The following PPFIBP1 variants were observed in gnomAD, a reference collection of about 807,000 sequenced individuals.
PPFIBP1 encodes PPFIB scaffold protein 1.
In PPFIBP1, 112 loss-of-function variants were observed where a neutral mutation model predicts 137.8. That is an observed-to-expected ratio of 0.81 (90% CI 0.70 to 0.95). PPFIBP1 has a LOEUF of 0.95. Ranked by LOEUF, PPFIBP1 falls within the 40% of genes least tolerant of loss-of-function variation. The pLI is 0.00. For synonymous variants in PPFIBP1, 378 were observed against 417.3 expected, an observed-to-expected ratio of 0.91 and a Z score of 1.15; for missense variants, 1,083 against 1,196.6, an observed-to-expected ratio of 0.91 and a Z score of 1.40.
chr12:27,624,845 G>A (rs1252173042), intron 2 of PPFIBP1, among the ~76,000 whole-genome samples: 3 of 152,102 alleles, frequency 2.0e-5, no homozygotes, highest in African/African-American at 7.2e-5. Context: ...TATGCTTGAG[G>A]TTATGATAGA....
chr12:27,603,568 A>G (rs1422565029), intron 2 of PPFIBP1, among the ~76,000 whole-genome samples: 2 of 152,154 alleles, frequency 1.3e-5, no homozygotes, highest in Non-Finnish European at 2.9e-5. Context: ...CACCAGGGCA[A>G]GGTGGATCGA....
chr12:27,650,568 A>C (rs1293704528), intron 7 of PPFIBP1, among the ~76,000 whole-genome samples: 1 of 152,218 alleles, frequency 6.6e-6, no homozygotes, highest in African/African-American at 2.4e-5. Flanking sequence ...ACATGCTAAC[A>C]TTCTATACTC....
At chr12:27,618,237 A>G (rs1434503781) in intron 2 of PPFIBP1, among the ~76,000 whole-genome samples, 3 of 152,188 alleles carry the variant, frequency 2.0e-5, no homozygotes, top group Non-Finnish European at 4.4e-5. Context: ...GTAAACCAAA[A>G]ATAAAATTCC....
Position 27,578,191 on chromosome 12 carries a change from A to G in PPFIBP1, c.-84A>G, listed in dbSNP as rs1414693734. The G allele has an allele frequency of 6.6e-5, 10 of 152,078 alleles. No individual in the cohort carries two copies. Among genetic ancestry groups the G allele is most frequent in the Admixed American group, 6.5e-4 (10 of 15,268 alleles). The allele number at this position is 152,078 out of a possible 1,614,324, so 9.4% of individuals were successfully genotyped here. ...TGGATCACTTTGCTGAGTACATCCA[A>G]GATTTGAAGAACTGAAATAAATCAG... On this transcript the variant is annotated 5_prime_UTR_variant, in exon 2 of 30. Transcript: ENST00000228425.
chr12:27,667,655 T>C (rs536747288), intron 13 of PPFIBP1, among the ~76,000 whole-genome samples: 3 of 152,254 alleles, frequency 2.0e-5, no homozygotes, highest in Admixed American at 6.5e-5. Flanking sequence ...TGACAGCATT[T>C]CTTTTGCTGA....
chr12:27,665,800 G>GA (rs545299115), intron 12 of PPFIBP1, among the ~76,000 whole-genome samples: 6 of 150,112 alleles, frequency 4.0e-5, no homozygotes, highest in South Asian at 2.1e-4. Context: ...CAGGATTTTT[G>GA]AAAAAAAAAA....
chr12:27,650,853 C>T (rs542240026), intron 7 of PPFIBP1, among the ~76,000 whole-genome samples: 1 of 152,260 alleles, frequency 6.6e-6, no homozygotes, highest in South Asian at 2.1e-4. Context: ...AGAGCATATC[C>T]ATTTGAAACA....
At chr12:27,617,713 A>G (rs1316305865) in intron 2 of PPFIBP1, among the ~76,000 whole-genome samples, 1 of 152,136 alleles carries the variant, frequency 6.6e-6, no homozygotes. Flanking sequence ...TTCTTTTTTT[A>G]TTTGAATATT....
intron 2 of PPFIBP1, among the ~76,000 whole-genome samples, chr12:27,595,887 ATATATATATATATATAT>A (rs1565837984): frequency 6.2e-5 from 6 of 96,884 alleles, no homozygotes; most frequent in African/African-American, 1.7e-4. Flanking sequence ...CAACAACAAA[ATATATATATATATATAT>A]ATATATATAT....
intron 2 of PPFIBP1, among the ~76,000 whole-genome samples, chr12:27,609,744 T>C (rs995839246): frequency 3.9e-5 from 6 of 152,182 alleles, no homozygotes; most frequent in African/African-American, 1.4e-4. Flanking sequence ...GCAGCCATTT[T>C]CCCTTTTGTT....
At chr12:27,537,422 C>T (rs1264002157) in intron 1 of PPFIBP1, among the ~76,000 whole-genome samples, 5 of 152,130 alleles carry the variant, frequency 3.3e-5, no homozygotes, top group East Asian at 1.9e-4. Context: ...TGAGCCACCG[C>T]GCCCGGCCCC....
In PPFIBP1 at chr12:27,677,171, T is replaced by C. The variant is rs185639789; in HGVS notation, c.1615+75T>C. The stretch of plus-strand genomic sequence containing the variant: ...ATCTAATCCCTGCTCTTGGCATCTG[T>C]GATCTCTAGAAAGCGATCTGACAGC... On this transcript the variant is annotated intron_variant, in intron 19 of 29. Transcript: ENST00000228425. 14 of 1,562,820 alleles carry C rather than the reference T, an allele frequency of 9.0e-6. No individual in the cohort carries two copies. In the East Asian group the frequency reaches 2.9e-4, roughly 33 times the overall value.
chr12:27,533,230 C>T (rs758684795), intron 1 of PPFIBP1, among the ~76,000 whole-genome samples: 1 of 152,042 alleles, frequency 6.6e-6, no homozygotes, highest in African/African-American at 2.4e-5. Context: ...TTTGAAATTC[C>T]ATCATGACCC....
intron 2 of PPFIBP1, among the ~76,000 whole-genome samples, chr12:27,582,421 A>G (rs2051230790): frequency 6.6e-6 from 1 of 152,084 alleles, no homozygotes; most frequent in Non-Finnish European, 1.5e-5. Flanking sequence ...GTTTAATGTT[A>G]TGGTATTTTG....
intron 2 of PPFIBP1, among the ~76,000 whole-genome samples, chr12:27,619,513 A>G (rs1283988896): frequency 6.6e-6 from 1 of 152,220 alleles, no homozygotes; most frequent in African/African-American, 2.4e-5. Context: ...ACTCACCCAG[A>G]AGATATTTTT....
At chr12:27,690,378 G>C (rs2061458860) in intron 27 of PPFIBP1, among the ~76,000 whole-genome samples, 1 of 152,226 alleles carries the variant, frequency 6.6e-6, no homozygotes, top group South Asian at 2.1e-4. Flanking sequence ...AATGCACCCA[G>C]ATAGCTCAGT....
Position 27,524,369 on chromosome 12 carries a change from AG to A in PPFIBP1, c.-124+7del, listed in dbSNP as rs1382903099. ...CCGGCGGCTCTCCACCCCCCAGGTA[AG>A]GGCGTTTTGCTCCACTCCCAGACGG... On this transcript the variant is annotated splice_donor_5th_base_variant and intron_variant, in intron 1 of 29. Coordinates refer to ENST00000228425, the MANE Select transcript of PPFIBP1 (RefSeq NM_003622.4). 1.3e-5 allele frequency: 2 copies of A among 152,166 alleles called. No individual in the cohort carries two copies. The highest frequency in any genetic ancestry group is 2.9e-5 in the Non-Finnish European group (2 of 68,076). 9.4% of individuals were successfully genotyped at this position (152,166 alleles called of 1,614,324 possible).
chr12:27,558,286 T>C (rs770259719), intron 1 of PPFIBP1, among the ~76,000 whole-genome samples: 12 of 152,046 alleles, frequency 7.9e-5, no homozygotes, highest in Non-Finnish European at 1.3e-4. Context: ...TGTTTTGTTT[T>C]GTTTTAAGAT....
intron 2 of PPFIBP1, among the ~76,000 whole-genome samples, chr12:27,595,711 G>A (rs1490072144): frequency 6.6e-6 from 1 of 151,668 alleles, no homozygotes; most frequent in Non-Finnish European, 1.5e-5. Flanking sequence ...AAAATTAGCC[G>A]GGTGTGGTGG....
Sources: gnomAD v4.1 joint callset for allele counts (sites outside exome capture counted in the v4.1 genomes callset) on GRCh38, gnomAD v4.1.1 for gene constraint, MANE v1.5 for transcripts, NCBI Gene and HGNC (gene_info 2026-07-23, HGNC 2026-07-21) for gene names.